Variants in SELENOO observed in about 807,000 individuals in gnomAD.
SELENOO encodes the protein protein adenylyltransferase SelO, mitochondrial.
A neutral mutation model predicts 58.7 loss-of-function variants in SELENOO; 74 were observed. That is an observed-to-expected ratio of 1.26 (90% CI 1.04 to 1.53). The LOEUF is 1.53. Ranked by LOEUF, SELENOO falls within the 40% of genes most tolerant of loss-of-function variation. The pLI, the probability that SELENOO is intolerant of heterozygous loss-of-function variation, is 0.00. For missense variants in SELENOO, 1,149 were observed against 970.0 expected (o/e 1.18, Z -2.45); for synonymous variants, 543 against 453.2 (o/e 1.20, Z -2.52).
In SELENOO at chr22:50,206,155, G is replaced by A. The variant is rs934719485; in HGVS notation, c.555-162G>A. 3 of 627,992 alleles carry A rather than the reference G, an allele frequency of 4.8e-6. No individual in the cohort carries two copies. The African/African-American group carries it at 5.5e-5, about 11-fold the overall frequency. The allele number at this position is 627,992 out of a possible 1,614,324, so 38.9% of individuals were successfully genotyped here. On this transcript the variant is annotated intron_variant, in intron 1 of 8. Transcript: ENST00000380903. ...AGGTTGCTGGAACTGGGCGGTGTTG[G>A]AGGCTCACAAGGCACCTGATGTCAC...
chr22:50,208,496 G>A, intron 2 of SELENOO, 40 bp from the exon 3 acceptor site: 1 of 1,582,548 alleles, frequency 6.3e-7, no homozygotes. Context: ...AGGGGCTGGG[G>A]TCAGGTTTGG....
rs2064294973 is a variant in SELENOO, at chr22:50,201,083, G to A, written c.47G>A (p.Arg16Gln). 1 of 1,367,078 alleles carries A rather than the reference G, an allele frequency of 7.3e-7. No individual in the cohort carries two copies. Among genetic ancestry groups the A allele is most frequent in the Non-Finnish European group, 9.4e-7 (1 of 1,059,996 alleles). The allele number at this position is 1,367,078 out of a possible 1,614,324, so 84.7% of individuals were successfully genotyped here. The change falls in exon 1 of 9, where the codon CGA (arginine) becomes CAA (glutamine). Residue 16 changes from arginine (R) to glutamine (Q), a missense_variant. Transcript: ENST00000380903. ...AALGASLAAARLLPLGRCSPS... is the reference protein window; with the variant it reads ...AALGASLAAAQLLPLGRCSPS... Reference sequence around the variant, plus strand: ...CTCGGGGCTTCGCTCGCGGCTGCCCGACTCTTGCCCCTCGGTCGCTGTTCC... The same window carrying A: ...CTCGGGGCTTCGCTCGCGGCTGCCCAACTCTTGCCCCTCGGTCGCTGTTCC...
chr22:50,215,617 G>A, intron 5 of SELENOO, 100 bp from the exon 6 acceptor site: 2 of 1,105,548 alleles, frequency 1.8e-6, no homozygotes, highest in South Asian at 1.5e-5. Context: ...GGTCCATGCA[G>A]CACCTGTGCC....
chr22:50,216,906 A>G, intron 7 of SELENOO, 30 bp downstream of exon 7: 8 of 1,602,138 alleles, frequency 5.0e-6, no homozygotes, highest in Non-Finnish European at 6.0e-6. Flanking sequence ...TCACCGGGGG[A>G]CGGCGGGTCG....
Position 50,201,492 on chromosome 22 carries a change from G to T in SELENOO, c.456G>T (p.Leu152=). 7.0e-7 allele frequency: 1 copy of T among 1,425,794 alleles called. No individual in the cohort carries two copies. Among genetic ancestry groups the T allele is most frequent in the South Asian group, 1.4e-5 (1 of 73,304 alleles). The allele number at this position is 1,425,794 out of a possible 1,614,324, so 88.3% of individuals were successfully genotyped here. The change falls in exon 1 of 9, where the codon CTG becomes CTT. Residue 152 remains leucine, a synonymous_variant. Coordinates refer to ENST00000380903, the MANE Select transcript of SELENOO (RefSeq NM_031454.2). Reference sequence around the variant, plus strand: ...AATTCGGCCAGTTCGCCGGGCAGCTGGGCGACGGCGCCGCCATGTACCTGG... The same window carrying T: ...AATTCGGCCAGTTCGCCGGGCAGCTTGGCGACGGCGCCGCCATGTACCTGG... ...GHQFGQFAGQ[L]GDGAAMYLGE...
In SELENOO at chr22:50,201,026, C is replaced by T. The variant is rs1452314498; in HGVS notation, c.-11C>T. The T allele has an allele frequency of 4.8e-6, 6 of 1,248,550 alleles. No individual in the cohort carries two copies. Among genetic ancestry groups the T allele is most frequent in the South Asian group, 2.9e-5 (1 of 34,782 alleles). 77.3% of individuals were successfully genotyped at this position (1,248,550 alleles called of 1,614,324 possible). ...GGGGCAGGCTGGCTTCCGGCGGGAG[C>T]GGGGCCGCGGATGGCCGTATACAGG... On this transcript the variant is annotated 5_prime_UTR_variant, in exon 1 of 9. Transcript: ENST00000380903.
chr22:50,210,437 A>G, intron 4 of SELENOO, 126 bp downstream of exon 4: 1 of 1,377,518 alleles, frequency 7.3e-7, no homozygotes, highest in Non-Finnish European at 9.9e-7. Flanking sequence ...CTGGGGGCTG[A>G]TGTAGGAAGT....
chr22:50,207,581 C>T (rs2064340866), intron 2 of SELENOO, among the ~76,000 whole-genome samples: 3 of 150,820 alleles, frequency 2.0e-5, no homozygotes, highest in Non-Finnish European at 4.4e-5. Flanking sequence ...CTTTTCCTGT[C>T]CTGCAGGGGG....
chr22:50,216,620 G>GGCGGAGCAGCTGCCT, intron 6 of SELENOO, 71 bp from the exon 7 acceptor site: 2 of 1,413,414 alleles, frequency 1.4e-6, no homozygotes, highest in Admixed American at 2.0e-5. Flanking sequence ...GGCTGGGGCA[G>GGCGGAGCAGCTGCCT]GCGGAGCAGC....
At chr22:50,201,648 C>G in intron 1 of SELENOO, 58 bp downstream of exon 1, 3 of 1,173,480 alleles carry the variant, frequency 2.6e-6, no homozygotes, top group Non-Finnish European at 3.2e-6. Flanking sequence ...CGCCCCTTCC[C>G]TCCGCCCGGC....
chr22:50,210,504 T>C (rs2064361799), intron 4 of SELENOO, 127 bp from the exon 5 acceptor site: 1 of 1,446,158 alleles, frequency 6.9e-7, no homozygotes, highest in Non-Finnish European at 9.4e-7. Flanking sequence ...ACAGGACCCC[T>C]GTGGGACAGG....
intron 5 of SELENOO, 44 bp from the exon 6 acceptor site, chr22:50,215,673 C>A (rs377486309): frequency 2.0e-6 from 3 of 1,533,256 alleles, no homozygotes; most frequent in Non-Finnish European, 2.6e-6. Context: ...GGACAGGGAC[C>A]CTGGGCCTTC....
Position 50,201,513 on chromosome 22 carries a change from C to A in SELENOO, c.477C>A (p.Tyr159Ter). ...AGCTGGGCGACGGCGCCGCCATGTACCTGGGCGAGGTGTGCACGGCGACCG... is the reference window on the plus strand; with the variant it reads ...AGCTGGGCGACGGCGCCGCCATGTAACTGGGCGAGGTGTGCACGGCGACCG... ...AGQLGDGAAM[Y>*]LGEVCTATGE... Residue 159 changes from tyrosine (Y) to a stop codon, truncating the protein, a stop_gained, in exon 1 of 9, where the codon TAC (tyrosine) becomes TAA (stop). Transcript: ENST00000380903. LOFTEE classifies it high-confidence loss of function. 3 of 1,428,998 alleles carry A rather than the reference C, an allele frequency of 2.1e-6. No homozygotes were observed. Among genetic ancestry groups the A allele is most frequent in the Non-Finnish European group, 2.8e-6 (3 of 1,089,930 alleles). The allele number at this position is 1,428,998 out of a possible 1,614,324, so 88.5% of individuals were successfully genotyped here.
In SELENOO at chr22:50,201,597, C is replaced by T. The variant is rs903329363; in HGVS notation, c.554+7C>T. 3.8e-5 allele frequency: 48 copies of T among 1,273,884 alleles called. No individual in the cohort carries two copies. The highest frequency in any genetic ancestry group is 4.6e-5 in the Non-Finnish European group (46 of 1,007,454). The allele number at this position is 1,273,884 out of a possible 1,614,324, so 78.9% of individuals were successfully genotyped here. On this transcript the variant is annotated splice_region_variant and intron_variant, in intron 1 of 8. Transcript: ENST00000380903. ...GGCCCACGCCCTTCTCCAGGTGGGC[C>T]GGGGCGGGCGAGGGGCGCGGGTGGG...
Position 50,216,882 on chromosome 22 carries a change from C to T in SELENOO, c.1688+6C>T, listed in dbSNP as rs199731669. 2 of 1,605,872 alleles carry T rather than the reference C, an allele frequency of 1.2e-6. No individual in the cohort carries two copies. The highest frequency in any genetic ancestry group is 2.2e-5 in the South Asian group (2 of 91,036). ...GACTGGCTACAGGCGTACAGGTGAG[C>T]CCTGCGTCCATGGTCACCGGGGGAC... On this transcript the variant is annotated splice_donor_region_variant and intron_variant, in intron 7 of 8. Coordinates refer to ENST00000380903, the MANE Select transcript of SELENOO (RefSeq NM_031454.2).
chr22:50,210,659 T>G lies in SELENOO; in HGVS notation c.1099T>G (p.Ser367Ala), dbSNP rs764107150. 10 of 1,612,960 alleles carry G rather than the reference T, an allele frequency of 6.2e-6. No homozygotes were observed. Among genetic ancestry groups the G allele is most frequent in the Non-Finnish European group, 8.5e-6 (10 of 1,179,888 alleles). The change falls in exon 5 of 9, where the codon TCC becomes GCC. Residue 367 changes from serine (S) to alanine (A), a missense_variant. Ser to Ala is a moderately conservative substitution (Grantham distance 99, BLOSUM62 1). Transcript: ENST00000380903. ...RYDPDHVCNA[S>A]DNTGRYAYSK... ...CGACCCCGACCACGTGTGCAATGCC[T>G]CCGACAACACCGGCCGCTACGCGTA... is the stretch of plus-strand genomic sequence containing the variant.
chr22:50,216,638 A>C, intron 6 of SELENOO, 53 bp from the exon 7 acceptor site: 1 of 1,493,172 alleles, frequency 6.7e-7, no homozygotes, highest in South Asian at 1.2e-5. Context: ...AGCTGCCTGC[A>C]GGGCAGGGAC....
chr22:50,215,892 T>C (rs2064405493), intron 6 of SELENOO, 25 bp downstream of exon 6: 1 of 1,566,206 alleles, frequency 6.4e-7, no homozygotes, highest in South Asian at 1.1e-5. Flanking sequence ...CCTACTTCTT[T>C]GGATTTGTTT....
intron 1 of SELENOO, among the ~76,000 whole-genome samples, chr22:50,202,339 C>T (rs1344721330): frequency 1.3e-5 from 2 of 152,106 alleles, no homozygotes; most frequent in Non-Finnish European, 2.9e-5. Flanking sequence ...ATCCCTTCCC[C>T]GGGGCTCCAT....
Sources: gnomAD v4.1 joint callset for allele counts (sites outside exome capture counted in the v4.1 genomes callset) on GRCh38, gnomAD v4.1.1 for gene constraint, MANE v1.5 for transcripts, NCBI Gene and HGNC (gene_info 2026-07-23, HGNC 2026-07-21) for gene names.